The following SEMA6D variants were observed in gnomAD, a reference collection of about 807,000 sequenced individuals.
The protein encoded by SEMA6D is semaphorin 6D.
A neutral mutation model predicts 106.6 loss-of-function variants in SEMA6D; 35 were observed. The observed-to-expected ratio is 0.33, with a 90% CI of 0.25 to 0.44. The LOEUF (loss-of-function observed/expected upper bound fraction) is 0.44. SEMA6D is among the 20% of genes least tolerant of loss of function. SEMA6D has a pLI of 1.00. For missense variants in SEMA6D, 1,185 were observed against 1,345.9 expected, an observed-to-expected ratio of 0.88 and a Z score of 1.87; for synonymous variants, 499 against 487.7, an observed-to-expected ratio of 1.02 and a Z score of -0.31.
Position 47,768,679 on chromosome 15 carries a change from C to T in SEMA6D, c.1864C>T (p.Arg622Trp), listed in dbSNP as rs778600311. The T allele has an allele frequency of 4.3e-6, 7 of 1,613,542 alleles. No homozygotes were observed. The African/African-American group carries it at 5.3e-5, about 12-fold the overall frequency. The change falls in exon 18 of 19, where the codon CGG becomes TGG. Residue 622 changes from arginine (R) to tryptophan (W), a missense_variant. By Grantham distance (101) the Arg-to-Trp change is moderately radical (BLOSUM62 -3). Coordinates refer to ENST00000536845, the MANE Select transcript of SEMA6D (RefSeq NM_001358351.3). ...CTGGAGACCTAAACTGACAAGCTCT[C>T]GGAAATTTGTAGTTCAAGATGATCC... ...DTWRPKLTSSRKFVVQDDPNT... is the reference protein window; with the variant it reads ...DTWRPKLTSSWKFVVQDDPNT...
At chr15:47,351,656 C>T (rs985236232) in intron 1 of SEMA6D, among the ~76,000 whole-genome samples, 1 of 152,122 alleles carries the variant, frequency 6.6e-6, no homozygotes, top group African/African-American at 2.4e-5. Flanking sequence ...TTGCCACTTG[C>T]CACTTGGTTG....
intron 3 of SEMA6D, among the ~76,000 whole-genome samples, chr15:47,583,625 A>T (rs1319636386): frequency 6.6e-6 from 1 of 152,134 alleles, no homozygotes; most frequent in Non-Finnish European, 1.5e-5. Context: ...GCAATAAACA[A>T]TGACCAGTTA....
chr15:47,578,676 C>T lies in SEMA6D; in HGVS notation c.-86-22189C>T, dbSNP rs577149261. Reference sequence around the variant, plus strand: ...ATGCCACCTATATGGCACATGTGGACTCCATTTTTAAAATTCCAATATATT... The same window carrying T: ...ATGCCACCTATATGGCACATGTGGATTCCATTTTTAAAATTCCAATATATT... On this transcript the variant is annotated intron_variant, in intron 3 of 19. Coordinates refer to the SEMA6D transcript ENST00000558014. 5.3e-5 allele frequency among the ~76,000 whole-genome samples: 8 copies of T among 152,166 alleles called. No homozygotes were observed. The East Asian group carries it at 1.3e-3, about 26-fold the overall frequency.
intron 2 of SEMA6D, among the ~76,000 whole-genome samples, chr15:47,419,367 G>A (rs965528735): frequency 2.6e-5 from 4 of 152,136 alleles, no homozygotes; most frequent in African/African-American, 9.6e-5. Flanking sequence ...TCATGCCATT[G>A]GATATGAAAA....
intron 4 of SEMA6D, among the ~76,000 whole-genome samples, chr15:47,646,244 C>T (rs1023995717): frequency 2.0e-5 from 3 of 152,088 alleles, no homozygotes; most frequent in Non-Finnish European, 2.9e-5. Context: ...CATTAGCATA[C>T]AAAAGATATT....
intron 1 of SEMA6D, among the ~76,000 whole-genome samples, chr15:47,219,424 T>TA (rs2030981428): frequency 6.6e-6 from 1 of 152,228 alleles, no homozygotes; most frequent in Admixed American, 6.5e-5. Flanking sequence ...ACAGGATCCT[T>TA]AAGAATGGGT....
chr15:47,411,039 T>A (rs2040777073), intron 1 of SEMA6D, among the ~76,000 whole-genome samples: 1 of 152,080 alleles, frequency 6.6e-6, no homozygotes, highest in South Asian at 2.1e-4. Flanking sequence ...GTGTAGGGTA[T>A]CAGCTTTTCT....
intron 2 of SEMA6D, among the ~76,000 whole-genome samples, chr15:47,452,029 T>C (rs2140937584): frequency 6.6e-6 from 1 of 152,116 alleles, no homozygotes; most frequent in Admixed American, 6.6e-5. Context: ...TTAGTGTTGG[T>C]ATCTTGTGTT....
At chr15:47,674,681 T>G (rs544341621) in intron 4 of SEMA6D, among the ~76,000 whole-genome samples, 1 of 152,260 alleles carries the variant, frequency 6.6e-6, no homozygotes, top group African/African-American at 2.4e-5. Flanking sequence ...TCAGAAGCAG[T>G]GCTGTGTAGC....
intron 3 of SEMA6D, among the ~76,000 whole-genome samples, chr15:47,592,137 C>T (rs1263430819): frequency 2.0e-5 from 3 of 152,102 alleles, no homozygotes; most frequent in Non-Finnish European, 2.9e-5. Flanking sequence ...TTTCTAAAAT[C>T]AAGGTAATGG....
In SEMA6D at chr15:47,554,948, T is replaced by G. The variant is rs143199269; in HGVS notation, c.-86-45917T>G. Among the ~76,000 whole-genome samples, 1,514 of 152,300 alleles carry G rather than the reference T, an allele frequency of 9.9e-3. 10 individuals carry two copies. The highest frequency in any genetic ancestry group is 0.021 in the Admixed American group (319 of 15,296). ...TATACAGAAAGATAAGACTTGAGCT[T>G]CACATGATTTTCGCTCTGATTGAAA... On this transcript the variant is annotated intron_variant, in intron 3 of 19. Transcript: ENST00000558014.
At chr15:47,207,723 G>A (rs141470234) in intron 1 of SEMA6D, among the ~76,000 whole-genome samples, 15 of 152,108 alleles carry the variant, frequency 9.9e-5, no homozygotes, top group African/African-American at 2.9e-4. Flanking sequence ...CATGAAAAAG[G>A]CAGTCCTCTA....
intron 4 of SEMA6D, among the ~76,000 whole-genome samples, chr15:47,626,714 A>G (rs188095618): frequency 6.6e-6 from 1 of 152,048 alleles, no homozygotes; most frequent in Admixed American, 6.6e-5. Context: ...TTCCTTGTCC[A>G]TTCTGTACTC....
At chr15:47,289,876 C>T (rs370544320) in intron 1 of SEMA6D, among the ~76,000 whole-genome samples, 7 of 151,456 alleles carry the variant, frequency 4.6e-5, no homozygotes, top group South Asian at 2.1e-4. Flanking sequence ...GTGTTGCTGG[C>T]GGCAGGCTGA....
chr15:47,367,657 C>T (rs2039081375), intron 1 of SEMA6D, among the ~76,000 whole-genome samples: 1 of 151,476 alleles, frequency 6.6e-6, no homozygotes, highest in Non-Finnish European at 1.5e-5. Context: ...TTCTCCCCTT[C>T]CCCTAAACAC....
intron 4 of SEMA6D, among the ~76,000 whole-genome samples, chr15:47,622,201 C>CAAAAAA (rs199839582): frequency 4.8e-5 from 3 of 62,786 alleles, no homozygotes; most frequent in African/African-American, 1.0e-4. Context: ...GAAACCCAGC[C>CAAAAAA]AAAAAAAAAA....
chr15:47,689,503 C>A (rs1596642070), intron 4 of SEMA6D, among the ~76,000 whole-genome samples: 1 of 152,350 alleles, frequency 6.6e-6, no homozygotes, highest in South Asian at 2.1e-4. Context: ...AAATCAGCTT[C>A]TAGCTCAGTG....
chr15:47,606,319 G>A (rs1341657871), intron 4 of SEMA6D: 2 of 152,310 alleles, frequency 1.3e-5, no homozygotes, highest in African/African-American at 4.8e-5. Flanking sequence ...AGAGAGATCT[G>A]AGAATAAGGC....
chr15:47,318,523 T>A (rs1321029576), intron 1 of SEMA6D, among the ~76,000 whole-genome samples: 3 of 148,780 alleles, frequency 2.0e-5, no homozygotes, highest in African/African-American at 7.4e-5. Flanking sequence ...CGATGTTTGG[T>A]TTTTTGTTCT....
Sources: gnomAD v4.1 joint callset for allele counts (sites outside exome capture counted in the v4.1 genomes callset) on GRCh38, gnomAD v4.1.1 for gene constraint, MANE v1.5 for transcripts, NCBI Gene and HGNC (gene_info 2026-07-23, HGNC 2026-07-21) for gene names.